Variants in XPO7 observed in about 807,000 individuals in gnomAD.
The protein encoded by XPO7 is exportin-7.
In XPO7, 21 loss-of-function variants were observed where a neutral mutation model predicts 144.3. The ratio of observed to expected loss-of-function variants is 0.15; its 90% confidence interval spans 0.10 to 0.21. The LOEUF (loss-of-function observed/expected upper bound fraction) is 0.21, where lower values mean the gene tolerates loss of function less well. Ranked by LOEUF, XPO7 falls within the 10% of genes least tolerant of loss-of-function variation. The pLI is 1.00. For synonymous variants in XPO7, 580 were observed against 499.6 expected (o/e 1.16, Z -2.15); for missense variants, 808 against 1,325.8 (o/e 0.61, Z 6.06).
chr8:21,961,226 T>C (rs1811716255), intron 1 of XPO7, among the ~76,000 whole-genome samples: 1 of 151,826 alleles, frequency 6.6e-6, no homozygotes, highest in Non-Finnish European at 1.5e-5. Flanking sequence ...TTTTCTTTTT[T>C]TGAGACAGGG....
In XPO7 at chr8:21,969,516, C is replaced by G; in HGVS notation, c.199C>G (p.Leu67Val). ...SYSQLLAATC[L>V]TKLVSRTNNP... ...CTCCCAGTTACTGGCAGCTACATGC[C>G]TTACCAAGCTTGTATCACGCACAAA... is the stretch of plus-strand genomic sequence containing the variant. Residue 67 changes from leucine (L) to valine (V), a missense_variant, in exon 3 of 28, where the codon CTT becomes GTT. Transcript: ENST00000252512. 1 of 1,613,756 alleles carries G rather than the reference C, an allele frequency of 6.2e-7. No individual in the cohort carries two copies. The highest frequency in any genetic ancestry group is 8.5e-7 in the Non-Finnish European group (1 of 1,179,778).
intron 1 of XPO7, among the ~76,000 whole-genome samples, chr8:21,953,734 C>A (rs1327042517): frequency 2.6e-5 from 4 of 152,160 alleles, no homozygotes; most frequent in African/African-American, 9.7e-5. Context: ...CTCACTGTTA[C>A]TTTAATTTGC....
chr8:21,942,012 G>A (rs937652484), intron 1 of XPO7, among the ~76,000 whole-genome samples: 1 of 152,046 alleles, frequency 6.6e-6, no homozygotes, highest in Admixed American at 6.5e-5. Flanking sequence ...TATAAAAGTC[G>A]GTAATGGTTA....
chr8:21,985,556 A>C lies in XPO7; in HGVS notation c.1472-30A>C, dbSNP rs769794746. On this transcript the variant is annotated intron_variant, in intron 12 of 27. Coordinates refer to ENST00000252512, the MANE Select transcript of XPO7 (RefSeq NM_015024.5). ...AATGTCTTCAAGAAACTATCACTGG[A>C]GGTGACACTGGGTCTGTCTCCTGCT... 2.3e-5 allele frequency: 37 copies of C among 1,589,786 alleles called. No homozygotes were observed. The South Asian group carries it at 4.1e-4, about 18-fold the overall frequency.
At chr8:22,001,152 A>C (rs1813130552) in intron 24 of XPO7, among the ~76,000 whole-genome samples, 1 of 152,046 alleles carries the variant, frequency 6.6e-6, no homozygotes, top group Non-Finnish European at 1.5e-5. Context: ...GTCTCTGTAC[A>C]AAAATTAGCT....
intron 5 of XPO7, 68 bp downstream of exon 5, chr8:21,972,009 G>A (rs1253837780): frequency 1.4e-6 from 2 of 1,476,744 alleles, no homozygotes; most frequent in South Asian, 1.1e-5. Flanking sequence ...GTTTTCTGCT[G>A]TGTGTGGGAT....
chr8:21,980,714 G>T (rs1050653346), intron 9 of XPO7, among the ~76,000 whole-genome samples: 10 of 151,426 alleles, frequency 6.6e-5, no homozygotes, highest in African/African-American at 2.2e-4. Context: ...GGCAGAAGTT[G>T]CAGTGAGCCG....
intron 1 of XPO7, among the ~76,000 whole-genome samples, chr8:21,965,360 A>C (rs756112094): frequency 6.6e-6 from 1 of 152,138 alleles, no homozygotes; most frequent in African/African-American, 2.4e-5. Context: ...CTTATTTTCT[A>C]CTTGTGTTCA....
Position 21,976,406 on chromosome 8 carries a change from C to G in XPO7, c.648C>G (p.Leu216=). 6.2e-7 allele frequency: 1 copy of G among 1,613,990 alleles called. No individual in the cohort carries two copies. Among genetic ancestry groups the G allele is most frequent in the Non-Finnish European group, 8.5e-7 (1 of 1,179,880 alleles). The change falls in exon 7 of 28, where the codon CTC becomes CTG. Residue 216 remains leucine (L), a synonymous_variant. Transcript: ENST00000252512. ...ATGATGAAAGTCAGCATGGCTTGCT[C>G]ATGCAACTGCTCAAGCTCACTCATA... is the stretch of plus-strand genomic sequence containing the variant. ...NLNDESQHGL[L]MQLLKLTHNC...
At chr8:21,966,335 C>A (rs1309862796) in intron 1 of XPO7, 1 of 779,974 alleles carries the variant, frequency 1.3e-6, no homozygotes, top group East Asian at 2.4e-5. Context: ...CATCTTGAAG[C>A]TTTCTCTAGA....
intron 18 of XPO7, 108 bp from the exon 19 acceptor site, chr8:21,991,760 C>T: frequency 1.5e-6 from 1 of 684,930 alleles, no homozygotes; most frequent in Non-Finnish European, 2.3e-6. Flanking sequence ...AATAAAGGGA[C>T]CCCCTTGAGT....
Position 21,984,766 on chromosome 8 carries a change from C to T in XPO7, c.1398C>T (p.Asp466=), listed in dbSNP as rs374376160. 6.3e-5 allele frequency: 102 copies of T among 1,613,978 alleles called. No individual in the cohort carries two copies. In the African/African-American group the frequency reaches 1.3e-3, roughly 21 times the overall value. ...GTGCACTCCTCGTGCAGTTGTTTGACCAGTCGGCCCAGTCGTACCAGGAGC... is the reference window on the plus strand; with the variant it reads ...GTGCACTCCTCGTGCAGTTGTTTGATCAGTCGGCCCAGTCGTACCAGGAGC... ...KTCALLVQLF[D]QSAQSYQELL... is the part of the protein sequence containing the mutation. Residue 466 remains aspartate (D), a synonymous_variant, in exon 12 of 28, where the codon GAC becomes GAT. Transcript: ENST00000252512.
chr8:21,922,871 T>G (rs907830584), intron 1 of XPO7, among the ~76,000 whole-genome samples: 1 of 152,210 alleles, frequency 6.6e-6, no homozygotes, highest in Non-Finnish European at 1.5e-5. Flanking sequence ...TAGGAGAATG[T>G]ACTATTTGCA....
chr8:21,935,783 C>T (rs376686950), intron 1 of XPO7, among the ~76,000 whole-genome samples: 70 of 150,576 alleles, frequency 4.6e-4, no homozygotes, highest in African/African-American at 1.7e-3. Flanking sequence ...AATCCATGGC[C>T]CTTCTCATGC....
At position 21,970,139 on chromosome 8, in the gene XPO7, A is replaced by G; in HGVS notation, c.260-5A>G. On this transcript the variant is annotated splice_polypyrimidine_tract_variant and splice_region_variant and intron_variant, in intron 3 of 27. Coordinates refer to ENST00000252512, the MANE Select transcript of XPO7 (RefSeq NM_015024.5). The stretch of plus-strand genomic sequence containing the variant: ...TTGGTTTTGTTTCTTGTTTTTTTTT[A>G]ATAGGGAACTATGTGCTCAACTACC... 6.3e-7 allele frequency: 1 copy of G among 1,599,180 alleles called. No homozygotes were observed. The highest frequency in any genetic ancestry group is 8.5e-7 in the Non-Finnish European group (1 of 1,175,034).
At position 22,005,324 on chromosome 8, in the gene XPO7, A is replaced by AAG. The variant is rs1813292065; in HGVS notation, c.*240_*241dup. On this transcript the variant is annotated 3_prime_UTR_variant, in exon 28 of 28. Transcript: ENST00000252512. ...GGTGGGAAGGGTGGTGGGAGGAGAT[A>AAG]AGAGATACAAACTGAGACTCCAGCC... 1 of 343,748 alleles carries AAG rather than the reference A, an allele frequency of 2.9e-6. No individual in the cohort carries two copies. The highest frequency in any genetic ancestry group is 4.7e-5 in the Admixed American group (1 of 21,104). The allele number at this position is 343,748 out of a possible 1,614,324, so 21.3% of individuals were successfully genotyped here.
chr8:21,943,702 T>A (rs920103425), intron 1 of XPO7, among the ~76,000 whole-genome samples: 1 of 152,172 alleles, frequency 6.6e-6, no homozygotes, highest in Non-Finnish European at 1.5e-5. Flanking sequence ...CACCCAAATA[T>A]CTCACACATT....
At chr8:21,931,532 A>C (rs1276435696) in intron 1 of XPO7, among the ~76,000 whole-genome samples, 1 of 152,260 alleles carries the variant, frequency 6.6e-6, no homozygotes, top group African/African-American at 2.4e-5. Flanking sequence ...TTGCTGGAAC[A>C]GCCTCAGATT....
chr8:21,978,135 A>C (rs191180622), intron 8 of XPO7, among the ~76,000 whole-genome samples: 2 of 152,142 alleles, frequency 1.3e-5, no homozygotes, highest in African/African-American at 4.8e-5. Flanking sequence ...ACAGGCTAGC[A>C]CCTGGGGATT....
Sources: allele counts gnomAD v4.1 joint callset (sites outside exome capture counted in the v4.1 genomes callset), GRCh38; gene constraint gnomAD v4.1.1; transcripts MANE v1.5; gene names NCBI Gene and HGNC (gene_info 2026-07-23, HGNC 2026-07-21).